CSTF3: variants seen among roughly 807,000 people sequenced by gnomAD.
CSTF3 encodes cleavage stimulation factor subunit 3, also known as CF-1 77 kDa subunit.
Under a neutral mutation model 105.8 loss-of-function variants are expected in CSTF3, and 29 were observed. The ratio of observed to expected loss-of-function variants is 0.27; its 90% CI spans 0.20 to 0.37. The LOEUF is 0.37. CSTF3 is among the 10% of genes least tolerant of loss of function. The probability of loss-of-function intolerance (pLI) is 1.00; values close to 1 mark genes in which losing one functional copy is unlikely to be tolerated. For missense variants in CSTF3, 357 were observed against 879.3 expected, an observed-to-expected ratio of 0.41 and a Z score of 7.51; for synonymous variants, 252 against 281.9, an observed-to-expected ratio of 0.89 and a Z score of 1.06.
In CSTF3 at chr11:33,096,879, G is replaced by A. The variant is rs1203529211; in HGVS notation, c.1228C>T (p.His410Tyr). The change falls in exon 14 of 21, where the codon CAT becomes TAT. Residue 410 changes from histidine (H) to tyrosine (Y), a missense_variant. By Grantham distance (83) the His-to-Tyr change is moderately conservative. Coordinates refer to ENST00000323959, the MANE Select transcript of CSTF3 (RefSeq NM_001326.3). The stretch of plus-strand genomic sequence containing the variant: ...ATGAGTGCTGCAGTAACATAGACAT[G>A]GTGGCGGGTTCTGGTATCTTCTCTT... Reference protein sequence around the residue: ...KAREDTRTRHHVYVTAALMEY... With the variant: ...KAREDTRTRHYVYVTAALMEY... 1.9e-6 allele frequency: 3 copies of A among 1,613,600 alleles called. No homozygotes were observed. The highest frequency in any genetic ancestry group is 1.7e-5 in the Admixed American group (1 of 60,010).
At chr11:33,126,591 AAAT>A (rs770952750) in intron 3 of CSTF3, among the ~76,000 whole-genome samples, 1 of 152,218 alleles carries the variant, frequency 6.6e-6, no homozygotes, top group Non-Finnish European at 1.5e-5. Flanking sequence ...AGTGTTCTAA[AAAT>A]AAAGACATTT....
At chr11:33,150,077 T>C (rs1242135485) in intron 1 of CSTF3, among the ~76,000 whole-genome samples, 1 of 151,278 alleles carries the variant, frequency 6.6e-6, no homozygotes, top group Non-Finnish European at 1.5e-5. Flanking sequence ...TAGCGGGGCG[T>C]GGTGGCAGGC....
At chr11:33,151,735 G>C (rs1053924874) in intron 1 of CSTF3, among the ~76,000 whole-genome samples, 27 of 152,294 alleles carry the variant, frequency 1.8e-4, no homozygotes, top group African/African-American at 6.5e-4. Flanking sequence ...AAATGGAATG[G>C]CTAAGTAATG....
intron 1 of CSTF3, among the ~76,000 whole-genome samples, chr11:33,147,401 C>G (rs1437504064): frequency 6.6e-6 from 1 of 151,658 alleles, no homozygotes; most frequent in Non-Finnish European, 1.5e-5. Context: ...TCGAGACCAG[C>G]CTGGCCAACA....
At chr11:33,102,138 T>C (rs1295344994) in intron 10 of CSTF3, 39 bp downstream of exon 10, 3 of 1,577,582 alleles carry the variant, frequency 1.9e-6, no homozygotes, top group Non-Finnish European at 2.6e-6. Context: ...TGGCCTAACA[T>C]ACATGTAACT....
At chr11:33,141,843 T>C (rs375414263) in intron 2 of CSTF3, 42 bp downstream of exon 2, 92 of 1,573,458 alleles carry the variant, frequency 5.8e-5, no homozygotes, top group East Asian at 1.6e-4. Context: ...AGTAGTGTGA[T>C]TGGACCCATA....
chr11:33,148,416 A>G (rs921843164), intron 1 of CSTF3, among the ~76,000 whole-genome samples: 1 of 152,180 alleles, frequency 6.6e-6, no homozygotes, highest in African/African-American at 2.4e-5. Context: ...ACCATGGCTC[A>G]TCGGGTGCAG....
intron 20 of CSTF3, 100 bp downstream of exon 20, chr11:33,085,613 G>A: frequency 9.3e-7 from 1 of 1,071,630 alleles, no homozygotes; most frequent in Non-Finnish European, 1.4e-6. Context: ...CAAATTGGCT[G>A]GCTGGTTTCG....
At chr11:33,095,326 T>C (rs1194781187) in intron 15 of CSTF3, among the ~76,000 whole-genome samples, 1 of 152,198 alleles carries the variant, frequency 6.6e-6, no homozygotes, top group Non-Finnish European at 1.5e-5. Context: ...GATCCAAGTA[T>C]CTGAGACTAC....
chr11:33,108,380 A>G lies in CSTF3; in HGVS notation c.258+6T>C. On this transcript the variant is annotated splice_donor_region_variant and intron_variant, in intron 4 of 20. Coordinates refer to ENST00000323959, the MANE Select transcript of CSTF3 (RefSeq NM_001326.3). ...AATATAAAATTCAAAGTATTTGAGGACTCACCTTTTCAACCTTGTCATAAT... is the reference window on the plus strand; with the variant it reads ...AATATAAAATTCAAAGTATTTGAGGGCTCACCTTTTCAACCTTGTCATAAT... The G allele has an allele frequency of 6.7e-7, 1 of 1,487,410 alleles. No homozygotes were observed. The highest frequency in any genetic ancestry group is 9.0e-7 in the Non-Finnish European group (1 of 1,105,372). The allele number at this position is 1,487,410 out of a possible 1,614,324, so 92.1% of individuals were successfully genotyped here. A position where few individuals can be genotyped will look rare whatever the true frequency, so the allele number is the denominator to read the frequency against.
intron 3 of CSTF3, among the ~76,000 whole-genome samples, chr11:33,132,573 T>C (rs1855610377): frequency 6.6e-6 from 1 of 152,184 alleles, no homozygotes; most frequent in African/African-American, 2.4e-5. Context: ...GAATACCTGT[T>C]ATTTAAATGC....
intron 15 of CSTF3, among the ~76,000 whole-genome samples, chr11:33,095,345 G>A (rs184998677): frequency 2.7e-4 from 41 of 152,238 alleles, no homozygotes; most frequent in African/African-American, 9.1e-4. Flanking sequence ...ACAGGCATAC[G>A]CCACCACACC....
intron 1 of CSTF3, among the ~76,000 whole-genome samples, chr11:33,158,281 AG>A (rs1849891348): frequency 2.6e-5 from 4 of 152,230 alleles, no homozygotes; most frequent in Admixed American, 2.6e-4. Context: ...AAAAGATATA[AG>A]AACCACCAAA....
At chr11:33,088,079 T>C (rs1184837570) in intron 17 of CSTF3, among the ~76,000 whole-genome samples, 1 of 152,154 alleles carries the variant, frequency 6.6e-6, no homozygotes, top group Non-Finnish European at 1.5e-5. Flanking sequence ...TGGTGACATC[T>C]GGTATTAATT....
chr11:33,155,604 A>G (rs1050876273), intron 1 of CSTF3, among the ~76,000 whole-genome samples: 23 of 152,180 alleles, frequency 1.5e-4, no homozygotes, highest in African/African-American at 5.5e-4. Flanking sequence ...CATTAGAAAA[A>G]CATTAATTAG....
intron 1 of CSTF3, among the ~76,000 whole-genome samples, chr11:33,155,899 G>T (rs1433658978): frequency 2.0e-5 from 3 of 152,048 alleles, no homozygotes; most frequent in Admixed American, 1.3e-4. Flanking sequence ...ATTGGTATGG[G>T]TAATTGTCCA....
intron 10 of CSTF3, among the ~76,000 whole-genome samples, chr11:33,101,645 C>T (rs1482394418): frequency 6.6e-6 from 1 of 152,130 alleles, no homozygotes; most frequent in East Asian, 1.9e-4. Flanking sequence ...ACAGAATCTA[C>T]AGTCTTTACA....
In CSTF3 at chr11:33,085,745, A is replaced by G. The variant is rs755599842; in HGVS notation, c.1919T>C (p.Met640Thr). Residue 640 changes from methionine to threonine, a missense_variant, in exon 20 of 21, where the codon ATG becomes ACG. Met to Thr is a moderately conservative substitution (Grantham distance 81). Around this residue, in one of 4 missense-constraint regions of CSTF3, gnomAD observed 73 missense variants for 105.8 expected, o/e 0.69. Transcript: ENST00000323959. ...QGPFVQVDEL[M>T]EIFRRCKIPN... is the part of the protein sequence containing the mutation. ...TATCTTGCATCTTCGGAAAATTTCC[A>G]TCAGTTCATCCACTTGTACAAAAGG... is the stretch of plus-strand genomic sequence containing the variant. The G allele has an allele frequency of 6.2e-7, 1 of 1,613,938 alleles. No individual in the cohort carries two copies. The highest frequency in any genetic ancestry group is 8.5e-7 in the Non-Finnish European group (1 of 1,179,832).
At chr11:33,088,212 AC>A (rs1855127588) in intron 17 of CSTF3, among the ~76,000 whole-genome samples, 1 of 144,014 alleles carries the variant, frequency 6.9e-6, no homozygotes, top group African/African-American at 2.9e-5. Flanking sequence ...TCCCCAAAAA[AC>A]AAAAGAGTAG....
Sources: allele counts gnomAD v4.1 joint callset (sites outside exome capture counted in the v4.1 genomes callset), GRCh38; gene constraint gnomAD v4.1.1; regional missense constraint gnomAD v4.1.1; transcripts MANE v1.5; gene names NCBI Gene and HGNC (gene_info 2026-07-23, HGNC 2026-07-21).